The following UNC13C variants were observed in gnomAD, a reference collection of about 807,000 sequenced individuals.
The protein encoded by UNC13C is unc-13 homolog C, also known as protein unc-13 homolog C.
Under a neutral mutation model 245.4 loss-of-function variants are expected in UNC13C, and 174 were observed. The ratio of observed to expected loss-of-function variants is 0.71; its 90% CI spans 0.63 to 0.80. UNC13C has a LOEUF of 0.80. UNC13C is among the 30% of genes least tolerant of loss of function. The pLI, the probability that UNC13C is intolerant of heterozygous loss-of-function variation, is 0.00. For synonymous variants in UNC13C, 992 were observed against 895.1 expected (o/e 1.11, Z -1.93); for missense variants, 2,829 against 2,602.9 (o/e 1.09, Z -1.89).
the UNC13C span, among the ~76,000 whole-genome samples, chr15:53,921,215 G>A: frequency 6.6e-6 from 1 of 152,076 alleles, no homozygotes; most frequent in East Asian, 1.9e-4. Context: ...GTGTATGGGA[G>A]AATTGAATCA....
intron 10 of UNC13C, among the ~76,000 whole-genome samples, chr15:54,280,463 AT>A (rs2036947165): frequency 6.6e-6 from 1 of 151,428 alleles, no homozygotes; most frequent in Non-Finnish European, 1.5e-5. Context: ...CTATTAAAAT[AT>A]TGACAATAAC....
intron 2 of UNC13C, among the ~76,000 whole-genome samples, chr15:54,087,210 G>C (rs1232907492): frequency 1.3e-5 from 2 of 152,048 alleles, no homozygotes; most frequent in Admixed American, 1.3e-4. Flanking sequence ...CTAGAAAGTA[G>C]AGTGCAGTTT....
chr15:54,042,987 C>A (rs969563388), intron 2 of UNC13C, among the ~76,000 whole-genome samples: 3 of 152,108 alleles, frequency 2.0e-5, no homozygotes, highest in Non-Finnish European at 4.4e-5. Context: ...ACTAGATGCT[C>A]CCTATTCAGC....
At chr15:54,485,663 C>T (rs1484629160) in intron 19 of UNC13C, among the ~76,000 whole-genome samples, 1 of 152,214 alleles carries the variant, frequency 6.6e-6, no homozygotes, top group Non-Finnish European at 1.5e-5. Context: ...TCATGGGTTA[C>T]AAGATCCTAT....
At chr15:53,899,714 G>A in the UNC13C span, among the ~76,000 whole-genome samples, 4 of 152,022 alleles carry the variant, frequency 2.6e-5, no homozygotes, top group African/African-American at 7.3e-5. Flanking sequence ...ACAGGCATGC[G>A]CCACCATGCC....
At chr15:53,862,480 A>G in the UNC13C span, among the ~76,000 whole-genome samples, 3 of 152,092 alleles carry the variant, frequency 2.0e-5, no homozygotes, top group African/African-American at 4.8e-5. Context: ...AAGTTTCTTA[A>G]GTGTGTTCTG....
At chr15:54,469,140 T>G (rs1892324444) in intron 19 of UNC13C, among the ~76,000 whole-genome samples, 1 of 151,550 alleles carries the variant, frequency 6.6e-6, no homozygotes, top group Non-Finnish European at 1.5e-5. Flanking sequence ...AGTATACAGA[T>G]CTTTCACCTC....
chr15:54,499,758 C>G (rs949166994), intron 20 of UNC13C, among the ~76,000 whole-genome samples: 2 of 151,970 alleles, frequency 1.3e-5, no homozygotes, highest in Non-Finnish European at 2.9e-5. Context: ...TGAGGAAATG[C>G]GTTGATAGGG....
At chr15:54,481,448 G>A (rs1015188985) in intron 19 of UNC13C, among the ~76,000 whole-genome samples, 2 of 152,158 alleles carry the variant, frequency 1.3e-5, no homozygotes, top group Admixed American at 1.3e-4. Context: ...TACAGTGGGG[G>A]ACAGGGTGAG....
In UNC13C at chr15:54,617,988, G is replaced by A. The variant is rs973595817; in HGVS notation, c.6107-4339G>A. 9.2e-5 allele frequency among the ~76,000 whole-genome samples: 14 copies of A among 152,198 alleles called. No individual in the cohort carries two copies. In the East Asian group the frequency reaches 2.1e-3, roughly 23 times the overall value. On this transcript the variant is annotated intron_variant, in intron 30 of 32. Coordinates refer to ENST00000260323, the MANE Select transcript of UNC13C (RefSeq NM_001080534.3). ...AACCTAAGCAATTGGTTAACTTATA[G>A]GGGTCATTTGAGAAGCTGTAATGTG...
At chr15:54,475,394 C>G (rs575172194) in intron 19 of UNC13C, among the ~76,000 whole-genome samples, 10 of 151,084 alleles carry the variant, frequency 6.6e-5, no homozygotes, top group Non-Finnish European at 1.3e-4. Context: ...GCCATGCTGG[C>G]GTGCTGCACC....
chr15:54,211,851 C>G (rs533983835), intron 4 of UNC13C, among the ~76,000 whole-genome samples: 3 of 152,084 alleles, frequency 2.0e-5, no homozygotes, highest in Admixed American at 6.6e-5. Context: ...CAGGATGCAG[C>G]GTTATTTTTC....
intron 12 of UNC13C, 54 bp downstream of exon 12, chr15:54,297,980 G>T: frequency 8.2e-7 from 1 of 1,219,320 alleles, no homozygotes; most frequent in South Asian, 1.4e-5. Context: ...CTTGATTATG[G>T]ATTATAAAAC....
At chr15:54,616,749 T>TTA (rs1158915973) in intron 30 of UNC13C, among the ~76,000 whole-genome samples, 1 of 152,034 alleles carries the variant, frequency 6.6e-6, no homozygotes, top group Non-Finnish European at 1.5e-5. Context: ...AGAAAATCTT[T>TTA]TATAATGTAG....
At chr15:54,073,225 G>T (rs1359804492) in intron 2 of UNC13C, among the ~76,000 whole-genome samples, 9 of 152,054 alleles carry the variant, frequency 5.9e-5, no homozygotes, top group African/African-American at 2.2e-4. Flanking sequence ...CCTTTTTTAT[G>T]TCTGCATAGT....
the UNC13C span, among the ~76,000 whole-genome samples, chr15:53,864,003 T>C: frequency 6.6e-6 from 1 of 152,180 alleles, no homozygotes; most frequent in Admixed American, 6.5e-5. Flanking sequence ...AGTTCCTCAT[T>C]TGGAACATTT....
intron 2 of UNC13C, among the ~76,000 whole-genome samples, chr15:54,076,687 T>A (rs959118057): frequency 2.0e-5 from 3 of 152,124 alleles, no homozygotes; most frequent in African/African-American, 7.2e-5. Context: ...ATAAGAAAAC[T>A]AGAAATTGGA....
chr15:54,208,774 T>C (rs1396533139), intron 4 of UNC13C, among the ~76,000 whole-genome samples: 2 of 152,142 alleles, frequency 1.3e-5, no homozygotes, highest in Non-Finnish European at 2.9e-5. Context: ...AAAAATCTTA[T>C]GTATCACATA....
chr15:54,430,424 G>A (rs1036429487), intron 19 of UNC13C, among the ~76,000 whole-genome samples: 6 of 151,446 alleles, frequency 4.0e-5, no homozygotes, highest in South Asian at 2.1e-4. Context: ...TGCTTCTTTC[G>A]TATTGAATTT....
Sources: allele counts gnomAD v4.1 joint callset (sites outside exome capture counted in the v4.1 genomes callset), GRCh38; gene constraint gnomAD v4.1.1; transcripts MANE v1.5; gene names NCBI Gene and HGNC (gene_info 2026-07-23, HGNC 2026-07-21).